Variants in CACNA1H observed in about 807,000 individuals in gnomAD.
The protein encoded by CACNA1H is calcium voltage-gated channel subunit alpha1 H, also known as voltage-dependent T-type calcium channel subunit alpha-1H.
A neutral mutation model predicts 192.5 loss-of-function variants in CACNA1H; 149 were observed. That is an observed-to-expected ratio of 0.77 (90% CI 0.68 to 0.89). CACNA1H has a LOEUF of 0.89. CACNA1H is among the 40% of genes least tolerant of loss of function. The pLI, the probability that CACNA1H is intolerant of heterozygous loss-of-function variation, is 0.00. For synonymous variants in CACNA1H, 2,202 were observed against 1,475.2 expected (o/e 1.49, Z -11.29); for missense variants, 4,257 against 3,423.5 (o/e 1.24, Z -6.08).
chr16:1,218,753 A>G, intron 33 of CACNA1H, 102 bp downstream of exon 33: 3 of 1,244,630 alleles, frequency 2.4e-6, no homozygotes, highest in South Asian at 1.5e-5. Context: ...GAGCAGGGCA[A>G]GAGGAAGGAT....
At position 1,159,799 on chromosome 16, in the gene CACNA1H, G is replaced by C. The variant is rs1314132323; in HGVS notation, c.299+5763G>C. On this transcript the variant is annotated intron_variant, in intron 2 of 34. Transcript: ENST00000348261. ...TGGCTGCTGCCAGCCCCTGAAGGAA[G>C]CTCTTGGACTCGTGGGCAACACGCT... 5 of 152,366 alleles carry C rather than the reference G, an allele frequency of 3.3e-5. No homozygotes were observed. In the East Asian group the frequency reaches 9.7e-4, roughly 29 times the overall value. 9.4% of individuals were successfully genotyped at this position (152,366 alleles called of 1,614,324 possible).
chr16:1,159,643 G>A (rs1324245409), intron 2 of CACNA1H: 1 of 152,468 alleles, frequency 6.6e-6, no homozygotes. Context: ...TTAGGGAGGG[G>A]AGGCCTGGGG....
intron 6 of CACNA1H, among the ~76,000 whole-genome samples, chr16:1,199,615 C>T (rs538370073): frequency 1.2e-4 from 18 of 151,088 alleles, no homozygotes; most frequent in Admixed American, 1.3e-4. Flanking sequence ...GGTCTCCCCT[C>T]GGCCCTTGCT....
In CACNA1H at chr16:1,180,324, T is replaced by C. The variant is rs560995399; in HGVS notation, c.300-14648T>C. Among the ~76,000 whole-genome samples, 98 of 152,306 alleles carry C rather than the reference T, an allele frequency of 6.4e-4. No individual in the cohort carries two copies. The highest frequency in any genetic ancestry group is 2.3e-3 in the African/African-American group (94 of 41,568). On this transcript the variant is annotated intron_variant, in intron 2 of 34. Coordinates refer to ENST00000348261, the MANE Select transcript of CACNA1H (RefSeq NM_021098.3). This position sits in a 1 kb window ranked among gnomAD's most constrained non-coding sequence, Gnocchi z 4.4. ...GTGAGGCGAGAGGGACTCGGGCTGC[T>C]GTGGGCTGGGGAGGACGGTCCCATA...
intron 2 of CACNA1H, among the ~76,000 whole-genome samples, chr16:1,189,737 A>G (rs1966426570): frequency 6.6e-6 from 1 of 151,990 alleles, no homozygotes; most frequent in Non-Finnish European, 1.5e-5. Flanking sequence ...AGCACTGATT[A>G]TAGAGTGTGG....
chr16:1,216,418 T>G (rs574932020), intron 30 of CACNA1H, among the ~76,000 whole-genome samples: 1 of 151,782 alleles, frequency 6.6e-6, no homozygotes, highest in African/African-American at 2.4e-5. Context: ...GGGCAGTGTG[T>G]GCAAATGCTG....
rs183279814 is a variant in CACNA1H at position 1,161,068 on chromosome 16, A to G, written c.299+7032A>G. Among the ~76,000 whole-genome samples, 718 of 152,180 alleles carry G rather than the reference A, an allele frequency of 4.7e-3. 8 individuals are homozygous for G. Among genetic ancestry groups the G allele is most frequent in the African/African-American group, 0.017 (687 of 41,524 alleles). On this transcript the variant is annotated intron_variant, in intron 2 of 34. Transcript: ENST00000348261. ...CCCCCAAGGTGTGTAGACCTGACAC[A>G]GTTGCACCCCCAGCCCTGCTTTGAT...
chr16:1,189,943 G>C (rs1291034039), intron 2 of CACNA1H, among the ~76,000 whole-genome samples: 1 of 152,260 alleles, frequency 6.6e-6, no homozygotes, highest in Non-Finnish European at 1.5e-5. Context: ...GACTCCAGGG[G>C]CTGGAGAAGG....
intron 2 of CACNA1H, chr16:1,160,291 T>A (rs368088350): frequency 6.6e-6 from 1 of 152,324 alleles, no homozygotes; most frequent in African/African-American, 2.4e-5. Flanking sequence ...TGGCGTAACT[T>A]GGAACAACTC....
intron 13 of CACNA1H, 50 bp downstream of exon 13, chr16:1,207,168 A>G: frequency 6.5e-7 from 1 of 1,549,480 alleles, no homozygotes; most frequent in Non-Finnish European, 8.8e-7. Flanking sequence ...TGTGGTCCCC[A>G]GAGAGGTGGA....
intron 2 of CACNA1H, among the ~76,000 whole-genome samples, chr16:1,186,039 C>G (rs1464708092): frequency 2.6e-5 from 1 of 39,132 alleles, no homozygotes; most frequent in South Asian, 8.7e-4. Context: ...GGGGTGTGTA[C>G]GGGGCGGGTG....
Position 1,171,704 on chromosome 16 carries a change from A to G in CACNA1H, c.299+17668A>G, listed in dbSNP as rs1207402495. 2.6e-5 allele frequency among the ~76,000 whole-genome samples: 4 copies of G among 151,976 alleles called. No individual in the cohort carries two copies. The East Asian group carries it at 7.7e-4, about 29-fold the overall frequency. On this transcript the variant is annotated intron_variant, in intron 2 of 34. Coordinates refer to ENST00000348261, the MANE Select transcript of CACNA1H (RefSeq NM_021098.3). ...TCCTGGGCCGTGCCTCGGCCCACAG[A>G]GACCACCACCCTCCCTCCCTCCTGG...
At chr16:1,200,902 C>G in intron 8 of CACNA1H, 94 bp downstream of exon 8, 6 of 892,020 alleles carry the variant, frequency 6.7e-6, no homozygotes, top group African/African-American at 1.7e-5. Flanking sequence ...GGGCTCCTGT[C>G]TGTCTTCCAG....
In CACNA1H at chr16:1,212,494, T is replaced by C. The variant is rs752219389; in HGVS notation, c.4760-17T>C. 1.2e-6 allele frequency: 2 copies of C among 1,610,228 alleles called. No individual in the cohort carries two copies. The highest frequency in any genetic ancestry group is 3.3e-5 in the Admixed American group (2 of 59,816). On this transcript the variant is annotated splice_polypyrimidine_tract_variant and intron_variant, in intron 25 of 34. Transcript: ENST00000348261. ...CGCCACGCCCTCGGCCCTCAGACCA[T>C]CTCCTTGTCTTTCCAGGCACTTTCC...
At position 1,206,993 on chromosome 16, in the gene CACNA1H, A is replaced by G; in HGVS notation, c.2790-8A>G. 7.4e-7 allele frequency: 1 copy of G among 1,347,852 alleles called. No homozygotes were observed. Among genetic ancestry groups the G allele is most frequent in the South Asian group, 1.2e-5 (1 of 81,448 alleles). 83.5% of individuals were successfully genotyped at this position (1,347,852 alleles called of 1,614,324 possible). A position where few individuals can be genotyped will look rare whatever the true frequency, so the allele number is the denominator to read the frequency against. ...CCACCCTCAACACGCCCCTGCCCCC[A>G]CCCTCAGCATCCTGGGCATGCACCT... On this transcript the variant is annotated splice_region_variant and splice_polypyrimidine_tract_variant and intron_variant, in intron 12 of 34. Coordinates refer to ENST00000348261, the MANE Select transcript of CACNA1H (RefSeq NM_021098.3).
In CACNA1H at chr16:1,162,094, T is replaced by G. The variant is rs150046580; in HGVS notation, c.299+8058T>G. On this transcript the variant is annotated intron_variant, in intron 2 of 34. Coordinates refer to ENST00000348261, the MANE Select transcript of CACNA1H (RefSeq NM_021098.3). The stretch of plus-strand genomic sequence containing the variant: ...CATCTGTGAAATGGGCCTGCTGCCC[T>G]CCTGGCCTCTGGGTGTGTGGCGGGG... 9.5e-3 allele frequency among the ~76,000 whole-genome samples: 1,445 copies of G among 152,230 alleles called. 19 individuals are homozygous for G. The highest frequency in any genetic ancestry group is 0.033 in the African/African-American group (1,359 of 41,552).
At chr16:1,212,319 C>A in intron 25 of CACNA1H, 181 bp downstream of exon 25, 1 of 1,147,180 alleles carries the variant, frequency 8.7e-7, no homozygotes, top group Non-Finnish European at 1.2e-6. Flanking sequence ...TCGGGGAGCC[C>A]GCCATGGCAG....
At chr16:1,153,683 T>C (rs1596270248) in intron 1 of CACNA1H, 37 bp from the exon 2 acceptor site, 1 of 1,144,954 alleles carries the variant, frequency 8.7e-7, no homozygotes, top group Non-Finnish European at 1.1e-6. Context: ...GGCGGGGGCG[T>C]CGCCACCGGC....
intron 9 of CACNA1H, 74 bp from the exon 10 acceptor site, chr16:1,203,936 G>A: frequency 8.8e-7 from 1 of 1,136,200 alleles, no homozygotes; most frequent in Non-Finnish European, 1.2e-6. Context: ...CACCGCTCCT[G>A]TGTGTGAGGG....
Sources: gnomAD v4.1 joint callset for allele counts (sites outside exome capture counted in the v4.1 genomes callset) on GRCh38, gnomAD v4.1.1 for gene constraint, Gnocchi (gnomAD v3.1) non-coding constraint, MANE v1.5 for transcripts, NCBI Gene and HGNC (gene_info 2026-07-23, HGNC 2026-07-21) for gene names.